The following LONP1 variants were observed in gnomAD, a reference collection of about 807,000 sequenced individuals.
LONP1 encodes lon peptidase 1, mitochondrial, also known as lon protease homolog, mitochondrial.
In LONP1, 31 loss-of-function variants were observed where a neutral mutation model predicts 98.5. The ratio of observed to expected loss-of-function variants is 0.31; its 90% CI spans 0.24 to 0.42. The LOEUF is 0.42. Ranked by LOEUF, LONP1 falls within the 20% of genes least tolerant of loss-of-function variation. LONP1 has a pLI of 1.00. For synonymous variants in LONP1, 781 were observed against 594.7 expected (o/e 1.31, Z -4.56); for missense variants, 1,336 against 1,350.6 (o/e 0.99, Z 0.17).
intron 4 of LONP1, among the ~76,000 whole-genome samples, chr19:5,711,160 C>G (rs1317763314): frequency 3.9e-5 from 6 of 152,244 alleles, no homozygotes; most frequent in Non-Finnish European, 8.8e-5. Flanking sequence ...TCACCAGTTG[C>G]TCACAGCACT....
At chr19:5,700,988 G>A (rs2055031174) in intron 8 of LONP1, 61 bp from the exon 9 acceptor site, 1 of 1,600,596 alleles carries the variant, frequency 6.2e-7, no homozygotes, top group South Asian at 1.1e-5. Context: ...TCTCTCTGCT[G>A]GACTTGGCTG....
chr19:5,693,618 G>A lies in LONP1; in HGVS notation c.2472C>T (p.Phe824=). 6.2e-7 allele frequency: 1 copy of A among 1,614,106 alleles called. No homozygotes were observed. The highest frequency in any genetic ancestry group is 1.3e-5 in the African/African-American group (1 of 75,028). The change falls in exon 16 of 18, where the codon TTC becomes TTT. Residue 824 remains phenylalanine (F), a synonymous_variant. Transcript: ENST00000360614. Reference sequence around the variant, plus strand: ...CATTGGCGGGGGCGTGCTGCATGAGGAAGGCTCTGGCGAAGGTGTAGGCTA... The same window carrying A: ...CATTGGCGGGGGCGTGCTGCATGAGAAAGGCTCTGGCGAAGGTGTAGGCTA... ...ARIAYTFARA[F]LMQHAPANDY... is the part of the protein sequence containing the mutation.
rs151149029 is a variant in LONP1, at chr19:5,709,544, G to A, written c.871-1141C>T. On this transcript the variant is annotated intron_variant, in intron 4 of 17. Coordinates refer to ENST00000360614, the MANE Select transcript of LONP1 (RefSeq NM_004793.4). ...CTGGTCTCTAGTCTTTGGCTTTGAC[G>A]CTGAACTGTCTGAGCTGACCCTGGT... 3.9e-5 allele frequency among the ~76,000 whole-genome samples: 6 copies of A among 152,024 alleles called. No individual in the cohort carries two copies. In the East Asian group the frequency reaches 7.8e-4, roughly 20 times the overall value.
chr19:5,699,550 C>G (rs1297691272), intron 9 of LONP1, among the ~76,000 whole-genome samples: 1 of 146,782 alleles, frequency 6.8e-6, no homozygotes, highest in East Asian at 2.0e-4. Context: ...ATGCCTCTGG[C>G]TCCTGTTTTT....
intron 4 of LONP1, chr19:5,708,723 C>A (rs1034779785): frequency 3.7e-6 from 1 of 273,670 alleles, no homozygotes; most frequent in Non-Finnish European, 7.2e-6. Context: ...TTTTAAGAGA[C>A]CAAGTCTTGG....
At chr19:5,697,471 C>T (rs2054956009) in intron 10 of LONP1, among the ~76,000 whole-genome samples, 1 of 146,512 alleles carries the variant, frequency 6.8e-6, no homozygotes, top group South Asian at 2.2e-4. Flanking sequence ...GTTAGAAGAA[C>T]AGTGAGGAGG....
Position 5,711,945 on chromosome 19 carries a change from C to T in LONP1, c.696G>A (p.Lys232=), listed in dbSNP as rs1179683286. Residue 232 remains lysine, a synonymous_variant, in exon 4 of 18, where the codon AAG becomes AAA. Transcript: ENST00000360614. The part of the protein sequence containing the change: ...VEPEEPEAEN[K]HKPRRKSKRG... ...GCTTTGACTTCCTGCGGGGCTTGTGCTTGTTCTCCGCCTCCGGCTCCTCGG... is the reference window on the plus strand; with the variant it reads ...GCTTTGACTTCCTGCGGGGCTTGTGTTTGTTCTCCGCCTCCGGCTCCTCGG... The T allele has an allele frequency of 1.9e-6, 3 of 1,613,290 alleles. No homozygotes were observed. Among genetic ancestry groups the T allele is most frequent in the Admixed American group, 1.7e-5 (1 of 60,012 alleles).
At chr19:5,717,074 G>A (rs1052535339) in intron 1 of LONP1, among the ~76,000 whole-genome samples, 3 of 152,216 alleles carry the variant, frequency 2.0e-5, no homozygotes, top group Non-Finnish European at 4.4e-5. Flanking sequence ...GATTGCAGGC[G>A]TGAGCCACCG....
Position 5,711,994 on chromosome 19 carries a change from A to G in LONP1, c.647T>C (p.Ile216Thr), listed in dbSNP as rs2055246633. The change falls in exon 4 of 18, where the codon ATC becomes ACC. Residue 216 changes from isoleucine (I) to threonine (T), a missense_variant. By Grantham distance (89) the Ile-to-Thr change is moderately conservative. Coordinates refer to ENST00000360614, the MANE Select transcript of LONP1 (RefSeq NM_004793.4). ...GGGCTCCACCTCCAGCTGTCTGCTG[A>G]TATGGACTCTGACACGGGAGCAAGG... Reference protein sequence around the residue: ...MIVMGHRRVHISRQLEVEPEE... With the variant: ...MIVMGHRRVHTSRQLEVEPEE... 6.2e-7 allele frequency: 1 copy of G among 1,611,920 alleles called. No homozygotes were observed. Among genetic ancestry groups the G allele is most frequent in the Non-Finnish European group, 8.5e-7 (1 of 1,179,228 alleles).
In LONP1 at chr19:5,720,139, G is replaced by T. The variant is rs1451882846; in HGVS notation, c.-7C>A. Reference sequence around the variant, plus strand: ...AGCCAGTGCTCGCCGCCATAGCCCGGCCATACTGGCGGCTCACACAACTCG... The same window carrying T: ...AGCCAGTGCTCGCCGCCATAGCCCGTCCATACTGGCGGCTCACACAACTCG... On this transcript the variant is annotated 5_prime_UTR_variant, in exon 1 of 18. Coordinates refer to ENST00000360614, the MANE Select transcript of LONP1 (RefSeq NM_004793.4). 7.1e-7 allele frequency: 1 copy of T among 1,401,720 alleles called. No individual in the cohort carries two copies. 86.8% of individuals were successfully genotyped at this position (1,401,720 alleles called of 1,614,324 possible). A position where few individuals can be genotyped will look rare whatever the true frequency, so the allele number is the denominator to read the frequency against.
intron 13 of LONP1, among the ~76,000 whole-genome samples, chr19:5,695,361 G>A (rs1054770654): frequency 1.3e-5 from 2 of 152,058 alleles, no homozygotes; most frequent in African/African-American, 2.4e-5. Context: ...GAGACGGACA[G>A]AGCCATGCAA....
At chr19:5,692,241 G>A (rs1441123576) in intron 17 of LONP1, 33 bp from the exon 18 acceptor site, 2 of 1,580,770 alleles carry the variant, frequency 1.3e-6, no homozygotes, top group African/African-American at 1.3e-5. Flanking sequence ...CCCTGCCTGG[G>A]CCTGTGGGAG....
At position 5,693,471 on chromosome 19, in the gene LONP1, G is replaced by A. The variant is rs1298872848; in HGVS notation, c.2539-9C>T. On this transcript the variant is annotated splice_polypyrimidine_tract_variant and intron_variant, in intron 16 of 17. Coordinates refer to ENST00000360614, the MANE Select transcript of LONP1 (RefSeq NM_004793.4). The stretch of plus-strand genomic sequence containing the variant: ...TCCTTGGGGGTGGCGCCCTGTGGAG[G>A]CATGTGGGGATAGTGGGTGAGCAGG... The A allele has an allele frequency of 6.2e-7, 1 of 1,611,208 alleles. No homozygotes were observed. Among genetic ancestry groups the A allele is most frequent in the Non-Finnish European group, 8.5e-7 (1 of 1,178,174 alleles).
chr19:5,697,983 ACCCCTC>A (rs1383997871), intron 10 of LONP1, among the ~76,000 whole-genome samples: 7 of 59,730 alleles, frequency 1.2e-4, no homozygotes, highest in Non-Finnish European at 1.8e-4. Context: ...CCCCACCCCC[ACCCCTC>A]CACCTTCACC....
In LONP1 at chr19:5,700,853, G is replaced by A. The variant is rs533379615; in HGVS notation, c.1442C>T (p.Ala481Val). 121 of 1,614,180 alleles carry A rather than the reference G, an allele frequency of 7.5e-5. 1 individual carries two copies. The Admixed American group carries it at 1.3e-3, about 18-fold the overall frequency. ...GKYSNENLDLARAQAVLEEDH... is the reference protein window; with the variant it reads ...GKYSNENLDLVRAQAVLEEDH... ...TTCCTCCAGCACTGCCTGTGCCCGC[G>A]CCAGGTCCAGGTTCTCGTTGCTGTA... is the stretch of plus-strand genomic sequence containing the variant. Residue 481 changes from alanine (A) to valine (V), a missense_variant, in exon 9 of 18, where the codon GCG (alanine) becomes GTG (valine). Around this residue, in one of 5 missense-constraint regions of LONP1, gnomAD observed 219 missense variants for 241.0 expected, o/e 0.91. Transcript: ENST00000360614.
chr19:5,701,520 A>G (rs1235585257), intron 8 of LONP1, among the ~76,000 whole-genome samples: 1 of 151,802 alleles, frequency 6.6e-6, no homozygotes, highest in Non-Finnish European at 1.5e-5. Flanking sequence ...TTTGGTGGAG[A>G]CGGGGTTTCA....
intron 1 of LONP1, among the ~76,000 whole-genome samples, chr19:5,715,471 G>A (rs1211764761): frequency 6.0e-5 from 9 of 150,110 alleles, no homozygotes; most frequent in Admixed American, 2.0e-4. Flanking sequence ...GTGAAACCCC[G>A]TCTCTACTAA....
intron 6 of LONP1, among the ~76,000 whole-genome samples, chr19:5,707,417 C>A (rs3737238): frequency 6.6e-6 from 1 of 152,198 alleles, no homozygotes; most frequent in African/African-American, 2.4e-5. Context: ...CCCGGGTACA[C>A]GGCCCAGAGG....
chr19:5,711,833 C>T lies in LONP1; in HGVS notation c.808G>A (p.Val270Met), dbSNP rs762567071. 24 of 1,612,766 alleles carry T rather than the reference C, an allele frequency of 1.5e-5. No individual in the cohort carries two copies. In the East Asian group the frequency reaches 1.6e-4, roughly 10 times the overall value. The change falls in exon 4 of 18, where the codon GTG becomes ATG. Residue 270 changes from valine (V) to methionine (M), a missense_variant. Physicochemically the swap from Val to Met is conservative, Grantham distance 21 (BLOSUM62 1). Transcript: ENST00000360614. ...ACGTTCTCTACCTCCACCATGAGCA[C>T]CTCAGCCGGGAGCTCAGGGGTGGGC... ...MEPTPELPAE[V>M]LMVEVENVVH...
Sources: gnomAD v4.1 joint callset for allele counts (sites outside exome capture counted in the v4.1 genomes callset) on GRCh38, gnomAD v4.1.1 for gene constraint, gnomAD v4.1.1 regional missense constraint, MANE v1.5 for transcripts, NCBI Gene and HGNC (gene_info 2026-07-23, HGNC 2026-07-21) for gene names.